Variants in UTRN observed in about 807,000 individuals in gnomAD.
UTRN encodes the protein dystrophin-related protein 1.
In UTRN, 283 loss-of-function variants were observed where a neutral mutation model predicts 463.9. The observed-to-expected ratio is 0.61, with a 90% CI of 0.55 to 0.67. The LOEUF is 0.67. UTRN is among the 30% of genes least tolerant of loss of function. The pLI is 0.00. For synonymous variants in UTRN, 1,442 were observed against 1,431.5 expected (o/e 1.01, Z -0.17); for missense variants, 3,922 against 4,084.3 (o/e 0.96, Z 1.08).
chr6:144,738,426 A>G (rs1789681366), intron 54 of UTRN, among the ~76,000 whole-genome samples: 1 of 152,142 alleles, frequency 6.6e-6, no homozygotes, highest in Non-Finnish European at 1.5e-5. Flanking sequence ...TCTCCTGTTC[A>G]TTACCTTCAG....
intron 9 of UTRN, among the ~76,000 whole-genome samples, chr6:144,433,991 C>A (rs1383128623): frequency 6.6e-6 from 1 of 152,238 alleles, no homozygotes; most frequent in Non-Finnish European, 1.5e-5. Flanking sequence ...CCAAGGCAGG[C>A]GGCTGGGATG....
intron 52 of UTRN, among the ~76,000 whole-genome samples, chr6:144,692,849 G>T (rs1401297267): frequency 6.6e-6 from 1 of 151,996 alleles, no homozygotes. Flanking sequence ...TGTTTACTCT[G>T]TTGATAGTTT....
At chr6:144,604,237 G>GT (rs2128638295) in intron 51 of UTRN, among the ~76,000 whole-genome samples, 1 of 152,290 alleles carries the variant, frequency 6.6e-6, no homozygotes, top group South Asian at 2.1e-4. Context: ...ATATGCTGTA[G>GT]TTATACTCCG....
At chr6:144,753,951 T>C (rs1040287311) in intron 56 of UTRN, among the ~76,000 whole-genome samples, 8 of 152,140 alleles carry the variant, frequency 5.3e-5, no homozygotes, top group Non-Finnish European at 1.2e-4. Context: ...AACTGAAATA[T>C]ATATCTCAAC....
chr6:144,356,583 TG>T (rs1369160462), intron 2 of UTRN, among the ~76,000 whole-genome samples: 2 of 152,202 alleles, frequency 1.3e-5, no homozygotes, highest in Admixed American at 1.3e-4. Context: ...GACGTTTAGG[TG>T]GGTGGATCAC....
chr6:144,808,559 G>C (rs1480672300), intron 65 of UTRN, among the ~76,000 whole-genome samples: 2 of 152,020 alleles, frequency 1.3e-5, no homozygotes, highest in Non-Finnish European at 2.9e-5. Context: ...GATCTAGTCT[G>C]TTAGTGAATT....
Position 144,448,684 on chromosome 6 carries a change from A to C in UTRN, c.1987A>C (p.Ile663Leu), listed in dbSNP as rs201423123. ...LETVRVREQA[I>L]TKKSKQELPP... ...GACTGTTCGTGTAAGAGAACAAGCAATTACAAAAAAATCTAAGCAGGAACT... is the reference window on the plus strand; with the variant it reads ...GACTGTTCGTGTAAGAGAACAAGCACTTACAAAAAAATCTAAGCAGGAACT... The change falls in exon 17 of 75, where the codon ATT becomes CTT. Residue 663 changes from isoleucine (I) to leucine (L), a missense_variant. By Grantham distance (5) the Ile-to-Leu change is conservative (BLOSUM62 2). Transcript: ENST00000367545. 68 of 1,613,950 alleles carry C rather than the reference A, an allele frequency of 4.2e-5. No homozygotes were observed. The highest frequency in any genetic ancestry group is 5.3e-5 in the Non-Finnish European group (63 of 1,179,972).
At chr6:144,772,398 T>C (rs1374144633) in intron 59 of UTRN, among the ~76,000 whole-genome samples, 1 of 152,162 alleles carries the variant, frequency 6.6e-6, no homozygotes, top group African/African-American at 2.4e-5. Context: ...AAAAGAATCA[T>C]GTCATTGACA....
intron 66 of UTRN, among the ~76,000 whole-genome samples, chr6:144,826,160 A>AT (rs1780160544): frequency 6.8e-6 from 1 of 147,300 alleles, no homozygotes; most frequent in African/African-American, 2.5e-5. Flanking sequence ...TAATAAAAGA[A>AT]AAAATAAATA....
chr6:144,839,626 A>G (rs974244389), intron 72 of UTRN, among the ~76,000 whole-genome samples: 2 of 152,160 alleles, frequency 1.3e-5, no homozygotes, highest in Non-Finnish European at 2.9e-5. Context: ...ATTGGTGCAT[A>G]TTCAGGACTA....
At chr6:144,370,089 G>T (rs1779848954) in intron 2 of UTRN, among the ~76,000 whole-genome samples, 1 of 152,238 alleles carries the variant, frequency 6.6e-6, no homozygotes, top group Non-Finnish European at 1.5e-5. Flanking sequence ...CAATGTGGAA[G>T]TGACTTTGGA....
chr6:144,568,545 C>T (rs1229453217), intron 50 of UTRN, among the ~76,000 whole-genome samples: 2 of 152,122 alleles, frequency 1.3e-5, no homozygotes, highest in African/African-American at 2.4e-5. Context: ...GAATCATAGA[C>T]GAATGCAAGT....
chr6:144,328,577 G>T (rs1370339615), intron 2 of UTRN, among the ~76,000 whole-genome samples: 1 of 86,532 alleles, frequency 1.2e-5, no homozygotes, highest in Non-Finnish European at 3.1e-5. Flanking sequence ...TATTAATTTT[G>T]TTTATTTTGC....
At chr6:144,792,902 A>G (rs993838672) in intron 62 of UTRN, among the ~76,000 whole-genome samples, 6 of 152,204 alleles carry the variant, frequency 3.9e-5, no homozygotes, top group African/African-American at 1.4e-4. Context: ...AAAATAGAAG[A>G]GTTTTAATTT....
chr6:144,397,327 C>T (rs1433105471), intron 2 of UTRN, among the ~76,000 whole-genome samples: 2 of 152,088 alleles, frequency 1.3e-5, no homozygotes, highest in African/African-American at 4.8e-5. Flanking sequence ...ATTCTAGGAT[C>T]CCAAGGCTCC....
rs1785531967 is a variant in UTRN, at chr6:144,428,832, T to C, written c.633T>C (p.Leu211=). 1 of 1,612,698 alleles carries C rather than the reference T, an allele frequency of 6.2e-7. No individual in the cohort carries two copies. Among genetic ancestry groups the C allele is most frequent in the Non-Finnish European group, 8.5e-7 (1 of 1,179,600 alleles). ...KVVKMSPIER[L]EHAFSKAQTY... is the part of the protein sequence containing the mutation. ...TCAAAATGTCACCAATTGAGAGACT[T>C]GAACATGCCTTCAGCAAGGCTCAAA... Residue 211 remains leucine, a synonymous_variant, in exon 8 of 75, where the codon CTT becomes CTC. Transcript: ENST00000367545.
At chr6:144,542,006 A>G (rs1251598708) in intron 45 of UTRN, among the ~76,000 whole-genome samples, 1 of 152,194 alleles carries the variant, frequency 6.6e-6, no homozygotes, top group Non-Finnish European at 1.5e-5. Flanking sequence ...CAGAGATGAG[A>G]TCCTGGAGGA....
chr6:144,401,985 G>A (rs558726635), intron 2 of UTRN, among the ~76,000 whole-genome samples: 27 of 152,248 alleles, frequency 1.8e-4, no homozygotes, highest in Non-Finnish European at 3.5e-4. Context: ...CTGCACTGTC[G>A]CAGATACGCC....
intron 2 of UTRN, among the ~76,000 whole-genome samples, chr6:144,367,409 A>G (rs1779608631): frequency 6.6e-6 from 1 of 151,354 alleles, no homozygotes; most frequent in Non-Finnish European, 1.5e-5. Context: ...GGTTAATTTT[A>G]CAGATGTGAA....
Sources: allele counts gnomAD v4.1 joint callset (sites outside exome capture counted in the v4.1 genomes callset), GRCh38; gene constraint gnomAD v4.1.1; transcripts MANE v1.5; gene names NCBI Gene and HGNC (gene_info 2026-07-23, HGNC 2026-07-21).